The following SLC35F3 variants were observed in gnomAD, a reference collection of about 807,000 sequenced individuals.
The protein encoded by SLC35F3 is solute carrier family 35 member F3, also known as putative thiamine transporter SLC35F3.
In SLC35F3, 25 loss-of-function variants were observed where a neutral mutation model predicts 49.9. The ratio of observed to expected loss-of-function variants is 0.50; its 90% CI spans 0.37 to 0.70. SLC35F3 has a LOEUF of 0.70. Ranked by LOEUF, SLC35F3 falls within the 30% of genes least tolerant of loss-of-function variation. The probability of loss-of-function intolerance (pLI) is 0.00; values close to 1 mark genes in which losing one functional copy is unlikely to be tolerated. For missense variants in SLC35F3, 525 were observed against 639.8 expected, an observed-to-expected ratio of 0.82 and a Z score of 1.94; for synonymous variants, 275 against 265.4, an observed-to-expected ratio of 1.04 and a Z score of -0.35.
chr1:234,081,090 T>C (rs1354097581), intron 2 of SLC35F3, among the ~76,000 whole-genome samples: 1 of 152,236 alleles, frequency 6.6e-6, no homozygotes, highest in East Asian at 1.9e-4. Context: ...TATTCAATAA[T>C]AGCCTCCCAC....
chr1:234,250,119 T>G (rs1464977156), intron 3 of SLC35F3, among the ~76,000 whole-genome samples: 2 of 152,204 alleles, frequency 1.3e-5, no homozygotes, highest in African/African-American at 4.8e-5. Flanking sequence ...GTGCCAGCAT[T>G]CTAAGAAGCA....
intron 2 of SLC35F3, among the ~76,000 whole-genome samples, chr1:233,984,692 A>G (rs4385778): frequency 0.28 from 42,313 of 151,964 alleles, 6,159 homozygotes; most frequent in East Asian, 0.49. Flanking sequence ...TCCCTCCAGG[A>G]CCCTCAGGAA....
chr1:234,030,058 T>C (rs1471298078), intron 2 of SLC35F3, among the ~76,000 whole-genome samples: 2 of 152,218 alleles, frequency 1.3e-5, no homozygotes, highest in East Asian at 3.8e-4. Context: ...ATTAAATATG[T>C]ATAATTAAAT....
chr1:233,929,870 T>C (rs6674125), intron 2 of SLC35F3, among the ~76,000 whole-genome samples: 71,553 of 152,048 alleles, frequency 0.47, 17,131 homozygotes, highest in Admixed American at 0.62. Flanking sequence ...GTTGTGCCAC[T>C]GTTGAAGCCA....
At chr1:234,084,257 G>T (rs1664928355) in intron 2 of SLC35F3, among the ~76,000 whole-genome samples, 3 of 147,612 alleles carry the variant, frequency 2.0e-5, no homozygotes. Flanking sequence ...ACACAATTTT[G>T]TGTGTAGAGA....
At chr1:234,150,659 T>C (rs1666063111) in intron 2 of SLC35F3, among the ~76,000 whole-genome samples, 1 of 152,230 alleles carries the variant, frequency 6.6e-6, no homozygotes, top group African/African-American at 2.4e-5. Flanking sequence ...GAGAGGATTC[T>C]GGGACGATGG....
intron 2 of SLC35F3, among the ~76,000 whole-genome samples, chr1:233,979,475 G>A (rs954348635): frequency 2.6e-5 from 4 of 152,164 alleles, no homozygotes; most frequent in East Asian, 1.9e-4. Context: ...AACTTTGTTC[G>A]CTCGCTTCTA....
chr1:234,005,165 G>GA (rs1558203064), intron 2 of SLC35F3, among the ~76,000 whole-genome samples: 1 of 152,094 alleles, frequency 6.6e-6, no homozygotes, highest in South Asian at 2.1e-4. Context: ...TCAGTCTCCT[G>GA]AAAAAACCTA....
chr1:234,022,387 G>T (rs1663909213), intron 2 of SLC35F3, among the ~76,000 whole-genome samples: 3 of 152,188 alleles, frequency 2.0e-5, no homozygotes, highest in African/African-American at 7.2e-5. Context: ...CGGGCTGGAG[G>T]CTCAAGAAAG....
chr1:233,915,378 A>G (rs866250559), intron 2 of SLC35F3, among the ~76,000 whole-genome samples: 5 of 152,282 alleles, frequency 3.3e-5, no homozygotes, highest in Middle Eastern at 3.4e-3. Flanking sequence ...TGATGAATGT[A>G]TATTAAGATG....
At chr1:233,913,110 A>C (rs1661909443) in intron 2 of SLC35F3, among the ~76,000 whole-genome samples, 1 of 152,206 alleles carries the variant, frequency 6.6e-6, no homozygotes, top group African/African-American at 2.4e-5. Context: ...GCCCTTTCTC[A>C]TATCAGTGAG....
At chr1:234,028,480 C>T (rs1267326785) in intron 2 of SLC35F3, among the ~76,000 whole-genome samples, 2 of 152,244 alleles carry the variant, frequency 1.3e-5, no homozygotes, top group East Asian at 1.9e-4. Flanking sequence ...GCATCCCTGT[C>T]GGAAGAGACC....
At chr1:234,029,490 G>A (rs1429015652) in intron 2 of SLC35F3, among the ~76,000 whole-genome samples, 1 of 152,146 alleles carries the variant, frequency 6.6e-6, no homozygotes, top group East Asian at 1.9e-4. Flanking sequence ...CAACTGCTCT[G>A]AATCCAGGTG....
intron 2 of SLC35F3, among the ~76,000 whole-genome samples, chr1:234,146,108 T>C (rs1339911884): frequency 6.6e-6 from 1 of 152,196 alleles, no homozygotes; most frequent in African/African-American, 2.4e-5. Flanking sequence ...TTAATCATTT[T>C]AATTACTGGT....
At chr1:234,000,536 G>A (rs890538283) in intron 2 of SLC35F3, among the ~76,000 whole-genome samples, 35 of 152,184 alleles carry the variant, frequency 2.3e-4, no homozygotes, top group African/African-American at 8.4e-4. Flanking sequence ...ATATCCAACA[G>A]AGAGATGGTT....
chr1:234,037,933 TTTTTG>T (rs1285020611), intron 2 of SLC35F3, among the ~76,000 whole-genome samples: 1 of 152,104 alleles, frequency 6.6e-6, no homozygotes, highest in African/African-American at 2.4e-5. Context: ...AGACTGTGTG[TTTTTG>T]TTTTGTTTTG....
intron 2 of SLC35F3, among the ~76,000 whole-genome samples, chr1:234,140,745 A>T (rs1665903242): frequency 6.6e-6 from 1 of 152,188 alleles, no homozygotes; most frequent in South Asian, 2.1e-4. Flanking sequence ...GTATATCTCG[A>T]AGTCAGGTTC....
At position 233,940,865 on chromosome 1, in the gene SLC35F3, C is replaced by A. The variant is rs188053344; in HGVS notation, c.283+35107C>A. 2.6e-5 allele frequency among the ~76,000 whole-genome samples: 4 copies of A among 152,254 alleles called. No individual in the cohort carries two copies. In the East Asian group the frequency reaches 7.7e-4, roughly 29 times the overall value. ...CAATTACTGGGTCAAAGAGAATGCACATTAATATTATTGATAAGATACTAT... is the reference window on the plus strand; with the variant it reads ...CAATTACTGGGTCAAAGAGAATGCAAATTAATATTATTGATAAGATACTAT... On this transcript the variant is annotated intron_variant, in intron 2 of 7. Coordinates refer to ENST00000366618, the MANE Select transcript of SLC35F3 (RefSeq NM_173508.4).
intron 3 of SLC35F3, among the ~76,000 whole-genome samples, chr1:234,236,322 C>G (rs1255299936): frequency 2.0e-5 from 3 of 151,976 alleles, no homozygotes; most frequent in Admixed American, 2.0e-4. Flanking sequence ...CACCTGTAGT[C>G]CCAGCTACTC....
Sources: gnomAD v4.1 joint callset for allele counts (sites outside exome capture counted in the v4.1 genomes callset) on GRCh38, gnomAD v4.1.1 for gene constraint, MANE v1.5 for transcripts, NCBI Gene and HGNC (gene_info 2026-07-23, HGNC 2026-07-21) for gene names.